USP24: variants seen among roughly 807,000 people sequenced by gnomAD.
USP24 encodes ubiquitin carboxyl-terminal hydrolase 24.
A neutral mutation model predicts 361.6 loss-of-function variants in USP24; 97 were observed. The ratio of observed to expected loss-of-function variants is 0.27; its 90% CI spans 0.23 to 0.32. The LOEUF (loss-of-function observed/expected upper bound fraction) is 0.32, where lower values mean the gene tolerates loss of function less well. Among genes scored for constraint, USP24 ranks in the 10% least tolerant of loss-of-function variants. The probability of loss-of-function intolerance (pLI) is 1.00; values close to 1 mark genes in which losing one functional copy is unlikely to be tolerated. For synonymous variants in USP24, 1,098 were observed against 1,124.6 expected, an observed-to-expected ratio of 0.98 and a Z score of 0.47; for missense variants, 2,353 against 3,165.6, an observed-to-expected ratio of 0.74 and a Z score of 6.16.
intron 30 of USP24, 53 bp downstream of exon 30, chr1:55,134,017 C>T: frequency 7.0e-7 from 1 of 1,430,404 alleles, no homozygotes; most frequent in Non-Finnish European, 9.8e-7. Context: ...GTTGTATTTT[C>T]ACTCACTGAA....
At chr1:55,171,462 T>C in intron 5 of USP24, 94 bp downstream of exon 5, 1 of 1,416,214 alleles carries the variant, frequency 7.1e-7, no homozygotes, top group Non-Finnish European at 9.5e-7. Flanking sequence ...CAGATTGTTT[T>C]AATCCTCCCA....
rs1391801817 is a variant in USP24 at position 55,125,772 on chromosome 1, A to G, written c.3636-14T>C. 3 of 1,550,298 alleles carry G rather than the reference A, an allele frequency of 1.9e-6. No individual in the cohort carries two copies. The highest frequency in any genetic ancestry group is 4.0e-5 in the Admixed American group (2 of 50,596). On this transcript the variant is annotated splice_polypyrimidine_tract_variant and intron_variant, in intron 32 of 67. Coordinates refer to ENST00000294383, the MANE Select transcript of USP24 (RefSeq NM_015306.3). ...TTTACAACCAAACTTCAAAAAGAAG[A>G]AAAAAAGGCAGGATATTAAAGACTT...
chr1:55,143,783 T>C (rs910496396), intron 21 of USP24, among the ~76,000 whole-genome samples: 12 of 152,172 alleles, frequency 7.9e-5, no homozygotes, highest in African/African-American at 2.9e-4. Context: ...TAGGTACATG[T>C]GAATTGCTGG....
At chr1:55,087,898 T>C (rs1463500095) in intron 55 of USP24, among the ~76,000 whole-genome samples, 1 of 152,200 alleles carries the variant, frequency 6.6e-6, no homozygotes, top group Admixed American at 6.5e-5. Flanking sequence ...GGGAGGATGG[T>C]GTTCCAGATA....
At position 55,099,488 on chromosome 1, in the gene USP24, G is replaced by C. The variant is rs924607612; in HGVS notation, c.5370+283C>G. Among the ~76,000 whole-genome samples the C allele has an allele frequency of 2.6e-5, 4 of 152,186 alleles. No individual in the cohort carries two copies. The South Asian group carries it at 8.3e-4, about 32-fold the overall frequency. On this transcript the variant is annotated intron_variant, in intron 45 of 67. Coordinates refer to ENST00000294383, the MANE Select transcript of USP24 (RefSeq NM_015306.3). ...TGCAAGAATCTCTTGTACCTGGAAGGTAGAGGTTGCAGTGAGCTGAGATTG... is the reference window on the plus strand; with the variant it reads ...TGCAAGAATCTCTTGTACCTGGAAGCTAGAGGTTGCAGTGAGCTGAGATTG...
intron 1 of USP24, among the ~76,000 whole-genome samples, chr1:55,214,409 T>C (rs1040652296): frequency 6.6e-6 from 1 of 151,398 alleles, no homozygotes; most frequent in African/African-American, 2.4e-5. Context: ...TCCGACCCCC[T>C]ACTGCACGCA....
chr1:55,124,600 G>A lies in USP24; in HGVS notation c.3989C>T (p.Thr1330Ile). ...TGACAATCTCATGAAGCAAGCCACA[G>A]TAGAAGTGAAATCACTTACTTCCAT... ...QTMEVSDFTS[T>I]VACFMRLSWA... Residue 1330 changes from threonine (T) to isoleucine (I), a missense_variant, in exon 35 of 68, where the codon ACT becomes ATT. Transcript: ENST00000294383. The A allele has an allele frequency of 6.2e-7, 1 of 1,613,954 alleles. No homozygotes were observed.
At chr1:55,171,440 T>C (rs1649433668) in intron 5 of USP24, 116 bp downstream of exon 5, 1 of 1,289,154 alleles carries the variant, frequency 7.8e-7, no homozygotes, top group African/African-American at 1.5e-5. Flanking sequence ...AGATGGGATA[T>C]TTGTCATTTT....
In USP24 at chr1:55,103,877, T is replaced by A. The variant is rs1331600427; in HGVS notation, c.5024A>T (p.Asp1675Val). ...TTCATCAACGTCTAGAAAACCTACA[T>A]CAAACTCCTTGGTAAGAGCAGGGTC... The part of the protein sequence containing the change: ...QPDPALTKEF[D>V]YLPPVDSRSS... The change falls in exon 42 of 68, where the codon GAT becomes GTT. Residue 1675 changes from aspartate to valine, a missense_variant and splice_region_variant. By Grantham distance (152) the Asp-to-Val change is radical (BLOSUM62 -3). Around this residue, in one of 8 missense-constraint regions of USP24, gnomAD observed 949 missense variants for 1,280.5 expected, o/e 0.74. Transcript: ENST00000294383. 2.5e-6 allele frequency: 4 copies of A among 1,609,664 alleles called. No homozygotes were observed. The Admixed American group carries it at 6.8e-5, about 27-fold the overall frequency.
Position 55,100,984 on chromosome 1 carries a change from A to G in USP24, c.5146-20T>C, listed in dbSNP as rs541362298. 6.2e-7 allele frequency: 1 copy of G among 1,604,428 alleles called. No individual in the cohort carries two copies. Among genetic ancestry groups the G allele is most frequent in the South Asian group, 1.1e-5 (1 of 88,848 alleles). On this transcript the variant is annotated intron_variant, in intron 43 of 67. Coordinates refer to ENST00000294383, the MANE Select transcript of USP24 (RefSeq NM_015306.3). Reference sequence around the variant, plus strand: ...TAATGACTGCACAGAAAAGAAACATATCAAGCTTGAAATATTTAAAATGCT... The same window carrying G: ...TAATGACTGCACAGAAAAGAAACATGTCAAGCTTGAAATATTTAAAATGCT...
In USP24 at chr1:55,106,217, A is replaced by G; in HGVS notation, c.4809T>C (p.Ala1603=). 6.2e-7 allele frequency: 1 copy of G among 1,613,992 alleles called. No homozygotes were observed. The highest frequency in any genetic ancestry group is 8.5e-7 in the Non-Finnish European group (1 of 1,179,844). Residue 1603 remains alanine (A), a synonymous_variant, in exon 41 of 68, where the codon GCT becomes GCC. Transcript: ENST00000294383. ...AATGACTATTTAAAATAATTCTAGA[A>G]GCTCGGAAAAGGAAGTCATCTAACA... is the stretch of plus-strand genomic sequence containing the variant. ...KPLLDDFLFR[A]SRIILNSHSP...
chr1:55,082,373 T>C (rs1645166254), intron 58 of USP24, among the ~76,000 whole-genome samples: 1 of 152,228 alleles, frequency 6.6e-6, no homozygotes, highest in Non-Finnish European at 1.5e-5. Flanking sequence ...ATCAAGTACA[T>C]AATAAGTACT....
rs547501797 is a variant in USP24 at position 55,173,607 on chromosome 1, A to G, written c.559-1087T>C. ...GAAAATACTATACAACAAAAATTTC[A>G]TCTTGGCTTCACTGAGAACCTCTTT... On this transcript the variant is annotated intron_variant, in intron 3 of 67. Transcript: ENST00000294383. Among the ~76,000 whole-genome samples the G allele has an allele frequency of 7.7e-4, 117 of 152,360 alleles. 1 individual carries two copies. In the Middle Eastern group the frequency reaches 0.048, roughly 62 times the overall value.
intron 1 of USP24, among the ~76,000 whole-genome samples, chr1:55,204,614 A>C (rs988287494): frequency 1.3e-5 from 2 of 152,242 alleles, no homozygotes; most frequent in Non-Finnish European, 2.9e-5. Context: ...CAACTCTTCA[A>C]GACCTCTCTC....
intron 42 of USP24, among the ~76,000 whole-genome samples, chr1:55,102,912 C>T (rs1212514741): frequency 6.6e-6 from 1 of 152,060 alleles, no homozygotes. Context: ...CTTATGAGAG[C>T]CCACATTTCT....
At chr1:55,180,332 C>T (rs772809005) in intron 1 of USP24, among the ~76,000 whole-genome samples, 7 of 152,102 alleles carry the variant, frequency 4.6e-5, no homozygotes, top group Non-Finnish European at 7.4e-5. Context: ...CTTGGGACAC[C>T]CCCTCCTGCA....
intron 26 of USP24, among the ~76,000 whole-genome samples, chr1:55,138,333 A>G (rs1177245613): frequency 6.6e-6 from 1 of 152,000 alleles, no homozygotes; most frequent in Non-Finnish European, 1.5e-5. Flanking sequence ...TCTTTACCTA[A>G]AATATTTTGT....
intron 8 of USP24, among the ~76,000 whole-genome samples, chr1:55,160,202 T>C (rs1265351081): frequency 6.6e-6 from 1 of 152,216 alleles, no homozygotes; most frequent in Non-Finnish European, 1.5e-5. Context: ...TATTAATACA[T>C]CTAAATTACC....
chr1:55,179,841 C>G (rs1359263805), intron 1 of USP24, among the ~76,000 whole-genome samples: 1 of 152,048 alleles, frequency 6.6e-6, no homozygotes, highest in Non-Finnish European at 1.5e-5. Flanking sequence ...TGGTTTATGC[C>G]TAGATTACTT....
Sources: allele counts gnomAD v4.1 joint callset (sites outside exome capture counted in the v4.1 genomes callset), GRCh38; gene constraint gnomAD v4.1.1; regional missense constraint gnomAD v4.1.1; transcripts MANE v1.5; gene names NCBI Gene and HGNC (gene_info 2026-07-23, HGNC 2026-07-21).